The following GARNL3 variants were observed in gnomAD, a reference collection of about 807,000 sequenced individuals.
The protein encoded by GARNL3 is GTPase-activating Rap/Ran-GAP domain-like protein 3.
GARNL3 carries 63 observed loss-of-function variants against 125.0 expected under a neutral mutation model. The ratio of observed to expected loss-of-function variants is 0.50; its 90% CI spans 0.41 to 0.62. GARNL3 has a LOEUF of 0.62. GARNL3 is among the 20% of genes least tolerant of loss of function. The pLI is 0.00. For missense variants in GARNL3, 994 were observed against 1,244.0 expected (o/e 0.80, Z 3.02); for synonymous variants, 439 against 457.5 (o/e 0.96, Z 0.52).
At chr9:127,334,161 G>A (rs1829421037) in intron 9 of GARNL3, among the ~76,000 whole-genome samples, 1 of 152,226 alleles carries the variant, frequency 6.6e-6, no homozygotes, top group South Asian at 2.1e-4. Flanking sequence ...ACACCTGAAA[G>A]GAAGCATTTT....
chr9:127,235,876 C>A (rs189322884), intron 1 of GARNL3, among the ~76,000 whole-genome samples: 2 of 152,254 alleles, frequency 1.3e-5, no homozygotes, highest in Non-Finnish European at 2.9e-5. Context: ...CAACTCTTTG[C>A]ACAGGTGGAG....
At chr9:127,388,860 A>C in intron 25 of GARNL3, 44 bp from the exon 26 acceptor site, 1 of 1,130,794 alleles carries the variant, frequency 8.8e-7, no homozygotes, top group African/African-American at 1.5e-5. Context: ...AATAATGTGC[A>C]CTTTTCTTAA....
At chr9:127,316,598 A>G (rs1244162422) in intron 4 of GARNL3, among the ~76,000 whole-genome samples, 1 of 151,778 alleles carries the variant, frequency 6.6e-6, no homozygotes, top group Non-Finnish European at 1.5e-5. Flanking sequence ...CGTAATATTC[A>G]TCTATAATTG....
intron 22 of GARNL3, among the ~76,000 whole-genome samples, chr9:127,373,599 C>CT (rs1395038993): frequency 1.3e-5 from 2 of 151,952 alleles, no homozygotes; most frequent in Non-Finnish European, 2.9e-5. Flanking sequence ...ACCCTGGTCT[C>CT]TAAAAAAAAG....
At chr9:127,357,438 C>A in intron 21 of GARNL3, 61 bp downstream of exon 21, 2 of 1,486,286 alleles carry the variant, frequency 1.3e-6, no homozygotes, top group Non-Finnish European at 1.8e-6. Flanking sequence ...GTTGTGTATT[C>A]TAACCCTGAC....
chr9:127,329,325 G>A (rs769024688), intron 7 of GARNL3, among the ~76,000 whole-genome samples: 2 of 152,016 alleles, frequency 1.3e-5, no homozygotes, highest in Non-Finnish European at 2.9e-5. Context: ...ATAACATCAG[G>A]ACAACAGATA....
intron 2 of GARNL3, among the ~76,000 whole-genome samples, chr9:127,295,940 A>G (rs914912698): frequency 6.6e-6 from 1 of 152,142 alleles, no homozygotes; most frequent in Non-Finnish European, 1.5e-5. Flanking sequence ...ACTCATCATA[A>G]GGTAGAATCA....
rs761882435 is a variant in GARNL3 at position 127,318,095 on chromosome 9, C to G, written c.471C>G (p.Pro157=). ...GTQKICLPYS[P]TKTLSVKSIL... ...AGAAAATATGCCTTCCCTACAGTCC[C>G]ACAAAAACTCTTTCTGTGAAGTCCA... The change falls in exon 5 of 28, where the codon CCC becomes CCG. Residue 157 remains proline (P), a synonymous_variant. Transcript: ENST00000373387. 7 of 1,609,794 alleles carry G rather than the reference C, an allele frequency of 4.3e-6. No individual in the cohort carries two copies. In the South Asian group the frequency reaches 7.7e-5, roughly 18 times the overall value.
At chr9:127,289,879 T>C (rs144211663) in intron 1 of GARNL3, among the ~76,000 whole-genome samples, 2 of 152,354 alleles carry the variant, frequency 1.3e-5, no homozygotes, top group African/African-American at 4.8e-5. Context: ...CATTTGCTTT[T>C]AGAAATTATT....
rs2064069131 is a variant in GARNL3 at position 127,280,221 on chromosome 9, A to G, written c.145-10947A>G. Among the ~76,000 whole-genome samples, 1 of 151,822 alleles carries G rather than the reference A, an allele frequency of 6.6e-6. No homozygotes were observed. The highest frequency in any genetic ancestry group is 1.5e-5 in the Non-Finnish European group (1 of 67,962). ...CCCCTTGGCATGTTGGGGAAACTAA[A>G]CTCCCTGGGATGCTCTGCCCTCAGG... On this transcript the variant is annotated intron_variant, in intron 1 of 27. Transcript: ENST00000373387. The surrounding 1 kb of genome is among the most constrained non-coding windows in gnomAD (Gnocchi z 4.5).
exon 2 of GARNL3, chr9:127,243,130 T>C (rs1422796774): frequency 7.3e-7 from 1 of 1,365,446 alleles, no homozygotes; most frequent in Non-Finnish European, 9.8e-7. Flanking sequence ...CGAAGGTGCC[T>C]TGTGGGAGTC....
chr9:127,374,021 G>A (rs1437981148), intron 22 of GARNL3, among the ~76,000 whole-genome samples: 1 of 151,482 alleles, frequency 6.6e-6, no homozygotes, highest in Non-Finnish European at 1.5e-5. Flanking sequence ...AAAAAAGGAG[G>A]CTGGGTGCGG....
rs371284464 is a variant in GARNL3 at position 127,387,259 on chromosome 9, G to A, written c.2455G>A (p.Ala819Thr). 1 of 1,614,078 alleles carries A rather than the reference G, an allele frequency of 6.2e-7. No homozygotes were observed. Among genetic ancestry groups the A allele is most frequent in the East Asian group, 2.2e-5 (1 of 44,880 alleles). ...CTCATCTGGAGGCAGCTCCAAGGGG[G>A]CCAGTGCCCGAAATTCTCCTCAGAC... The part of the protein sequence containing the change: ...EVSSGGSSKG[A>T]SARNSPQTPP... Residue 819 changes from alanine (A) to threonine (T), a missense_variant, in exon 25 of 28, where the codon GCC becomes ACC. Physicochemically the swap from Ala to Thr is moderately conservative, Grantham distance 58. Transcript: ENST00000373387.
chr9:127,367,589 A>G (rs1183845767), intron 22 of GARNL3, among the ~76,000 whole-genome samples: 2 of 152,182 alleles, frequency 1.3e-5, no homozygotes, highest in African/African-American at 4.8e-5. Context: ...CTCTATTTTT[A>G]TTACCAGAAT....
chr9:127,349,780 G>A (rs1830328674), intron 17 of GARNL3, among the ~76,000 whole-genome samples: 1 of 152,192 alleles, frequency 6.6e-6, no homozygotes, highest in Non-Finnish European at 1.5e-5. Context: ...TTCAGAGGGA[G>A]CCATAGGCAC....
intron 9 of GARNL3, among the ~76,000 whole-genome samples, chr9:127,334,580 G>T (rs753298273): frequency 4.6e-5 from 7 of 152,118 alleles, no homozygotes; most frequent in Non-Finnish European, 7.4e-5. Context: ...TCATACCCCC[G>T]CTGCCAACCC....
At chr9:127,344,500 G>C (rs1478737655) in intron 15 of GARNL3, 161 bp downstream of exon 15, 3 of 623,030 alleles carry the variant, frequency 4.8e-6, no homozygotes, top group Non-Finnish European at 5.8e-6. Flanking sequence ...TTTGAGAACC[G>C]AGTAGGTGCA....
chr9:127,292,198 A>G (rs1241617516), intron 2 of GARNL3, among the ~76,000 whole-genome samples: 1 of 152,228 alleles, frequency 6.6e-6, no homozygotes, highest in Non-Finnish European at 1.5e-5. Flanking sequence ...TTAGCCATGT[A>G]CATTTACCTG....
At chr9:127,380,200 A>ATGTGTGTGTGTGTGTGTG (rs55906930) in intron 22 of GARNL3, among the ~76,000 whole-genome samples, 5 of 141,642 alleles carry the variant, frequency 3.5e-5, no homozygotes, top group African/African-American at 1.3e-4. Flanking sequence ...CTCAAAAAAT[A>ATGTGTGTGTGTGTGTGTG]TGTGTGTGTG....
Sources: gnomAD v4.1 joint callset for allele counts (sites outside exome capture counted in the v4.1 genomes callset) on GRCh38, gnomAD v4.1.1 for gene constraint, Gnocchi (gnomAD v3.1) non-coding constraint, MANE v1.5 for transcripts, NCBI Gene and HGNC (gene_info 2026-07-23, HGNC 2026-07-21) for gene names.